NUP107: variants seen among roughly 807,000 people sequenced by gnomAD.
NUP107 encodes the protein nucleoporin 107.
Under a neutral mutation model 141.0 loss-of-function variants are expected in NUP107, and 101 were observed. The ratio of observed to expected loss-of-function variants is 0.72; its 90% confidence interval spans 0.61 to 0.84. NUP107 has a LOEUF of 0.84. Ranked by LOEUF, NUP107 falls within the 40% of genes least tolerant of loss-of-function variation. The pLI is 0.00. For synonymous variants in NUP107, 319 were observed against 363.9 expected (o/e 0.88, Z 1.41); for missense variants, 941 against 1,102.7 (o/e 0.85, Z 2.08).
chr12:68,713,145 G>C (rs1170758365), intron 10 of NUP107, among the ~76,000 whole-genome samples: 1 of 151,936 alleles, frequency 6.6e-6, no homozygotes, highest in African/African-American at 2.4e-5. Flanking sequence ...GGCTGAGGCA[G>C]AAGGATTACT....
intron 1 of NUP107, chr12:68,687,387 T>A: frequency 9.4e-7 from 1 of 1,066,236 alleles, no homozygotes; most frequent in Non-Finnish European, 1.2e-6. Flanking sequence ...AAATGCTAAG[T>A]GACCAGCCTG....
In NUP107 at chr12:68,726,445, T is replaced by G. The variant is rs1877566929; in HGVS notation, c.1577-54T>G. 3 of 1,165,396 alleles carry G rather than the reference T, an allele frequency of 2.6e-6. No homozygotes were observed. In the East Asian group the frequency reaches 7.0e-5, roughly 27 times the overall value. The allele number at this position is 1,165,396 out of a possible 1,614,324, so 72.2% of individuals were successfully genotyped here. ...AATAAATGTTCTTGGTAATGTTTAT[T>G]TTTTTCTTTTGATTTTATTCCTATT... On this transcript the variant is annotated intron_variant, in intron 18 of 27. Transcript: ENST00000229179.
At chr12:68,721,026 C>CTAGAAGA in intron 14 of NUP107, 92 bp from the exon 15 acceptor site, 1 of 789,252 alleles carries the variant, frequency 1.3e-6, no homozygotes. Flanking sequence ...TAGGTTCAGT[C>CTAGAAGA]TAGAAGAGTT....
At chr12:68,692,282 C>CTCTTGTCTCA in intron 5 of NUP107, 170 bp downstream of exon 5, 1 of 662,562 alleles carries the variant, frequency 1.5e-6, no homozygotes, top group South Asian at 2.4e-5. Flanking sequence ...TTTTTTGAGA[C>CTCTTGTCTCA]AAGAGTCTCA....
At chr12:68,741,789 T>C in intron 26 of NUP107, 24 bp from the exon 27 acceptor site, 4 of 1,594,664 alleles carry the variant, frequency 2.5e-6, no homozygotes, top group Non-Finnish European at 3.4e-6. Flanking sequence ...ATTGTTAAAA[T>C]GATTTATTGA....
At position 68,721,127 on chromosome 12, in the gene NUP107, A is replaced by T; in HGVS notation, c.1261A>T (p.Asn421Tyr). 1 of 1,599,182 alleles carries T rather than the reference A, an allele frequency of 6.3e-7. No individual in the cohort carries two copies. The highest frequency in any genetic ancestry group is 8.6e-7 in the Non-Finnish European group (1 of 1,168,500). ...ATTCATTGTGTTTTAGGAGCTTTTT[A>T]ATAGATACGAGAGAGCAATTTATGC... is the stretch of plus-strand genomic sequence containing the variant. ...CWRMAEDELFNRYERAIYAAL... is the reference protein window; with the variant it reads ...CWRMAEDELFYRYERAIYAAL... The change falls in exon 15 of 28, where the codon AAT (asparagine) becomes TAT (tyrosine). Residue 421 changes from asparagine (N) to tyrosine (Y), a missense_variant. Asn to Tyr is a moderately radical substitution (Grantham distance 143). Transcript: ENST00000229179.
chr12:68,713,744 A>T lies in NUP107; in HGVS notation c.905A>T (p.His302Leu). The change falls in exon 11 of 28, where the codon CAT (histidine) becomes CTT (leucine). Residue 302 changes from histidine (H) to leucine (L), a missense_variant. By Grantham distance (99) the His-to-Leu change is moderately conservative. Coordinates refer to ENST00000229179, the MANE Select transcript of NUP107 (RefSeq NM_020401.4). ...AKSVYWENTL[H>L]TLKQRQLTSY... ...ATTTCTTTCAGGGAAAATACTCTGC[A>T]TACCTTAAAACAACGGCAGCTGACT... 6.2e-7 allele frequency: 1 copy of T among 1,606,762 alleles called. No homozygotes were observed. Among genetic ancestry groups the T allele is most frequent in the South Asian group, 1.1e-5 (1 of 89,190 alleles).
intron 5 of NUP107, 98 bp downstream of exon 5, chr12:68,692,210 T>C: frequency 8.1e-7 from 1 of 1,236,790 alleles, no homozygotes; most frequent in Non-Finnish European, 1.1e-6. Context: ...TGTTTTTCTT[T>C]TCTTTCTTTC....
intron 1 of NUP107, chr12:68,687,326 C>T (rs1875547164): frequency 2.8e-6 from 2 of 717,632 alleles, no homozygotes; most frequent in Non-Finnish European, 2.1e-6. Context: ...CGCTTTGGGG[C>T]AGCAACACTG....
In NUP107 at chr12:68,736,412, T is replaced by A. The variant is rs548936445; in HGVS notation, c.2502+1068T>A. ...AGTAATTATCTTAAATGTCTCCACT[T>A]TATTTTTTCTTTTTTTGTTTTAGAG... On this transcript the variant is annotated intron_variant, in intron 26 of 27. Transcript: ENST00000229179. 1.1e-4 allele frequency among the ~76,000 whole-genome samples: 16 copies of A among 152,262 alleles called. No homozygotes were observed. In the South Asian group the frequency reaches 3.3e-3, roughly 32 times the overall value.
At position 68,745,561 on chromosome 12, in the gene NUP107, G is replaced by C. The variant is rs991494377; in HGVS notation, c.*3099G>C. The C allele has an allele frequency of 3.3e-5, 5 of 152,140 alleles. No homozygotes were observed. Among genetic ancestry groups the C allele is most frequent in the Admixed American group, 2.0e-4 (3 of 15,272 alleles). 9.4% of individuals were successfully genotyped at this position (152,140 alleles called of 1,614,324 possible). ...ATATATATATTTGTATGCACCCCTAGAGACAGCTGTATATATATACGGTTT... is the reference window on the plus strand; with the variant it reads ...ATATATATATTTGTATGCACCCCTACAGACAGCTGTATATATATACGGTTT... On this transcript the variant is annotated 3_prime_UTR_variant, in exon 28 of 28. Coordinates refer to ENST00000229179, the MANE Select transcript of NUP107 (RefSeq NM_020401.4).
At chr12:68,713,851 A>ATT in intron 11 of NUP107, 43 bp downstream of exon 11, 14 of 1,406,976 alleles carry the variant, frequency 1.0e-5, no homozygotes, top group South Asian at 2.6e-5. Flanking sequence ...AAGTTAACTG[A>ATT]TTTTTTTTTT....
chr12:68,739,435 T>C (rs929160900), intron 26 of NUP107, among the ~76,000 whole-genome samples: 12 of 152,350 alleles, frequency 7.9e-5, no homozygotes, highest in East Asian at 1.9e-4. Context: ...TGAATGATAC[T>C]GCATTACTGA....
At chr12:68,736,762 GC>G (rs1555179815) in intron 26 of NUP107, among the ~76,000 whole-genome samples, 2 of 119,454 alleles carry the variant, frequency 1.7e-5, no homozygotes, top group Non-Finnish European at 3.3e-5. Flanking sequence ...TGCTCTTGTC[GC>G]CCAGGCTGGA....
chr12:68,714,208 C>T (rs1027515667), intron 11 of NUP107: 1 of 155,128 alleles, frequency 6.4e-6, no homozygotes, highest in African/African-American at 2.4e-5. Context: ...AGAACTGAAG[C>T]TGAATTATTC....
chr12:68,722,803 A>T (rs1297828784), intron 17 of NUP107, among the ~76,000 whole-genome samples: 1 of 152,190 alleles, frequency 6.6e-6, no homozygotes, highest in Non-Finnish European at 1.5e-5. Flanking sequence ...CTTTTTAATA[A>T]ATACATAGTG....
chr12:68,708,642 T>C (rs1457377080), intron 8 of NUP107, among the ~76,000 whole-genome samples: 1 of 151,884 alleles, frequency 6.6e-6, no homozygotes, highest in Non-Finnish European at 1.5e-5. Context: ...TATTTTGGGA[T>C]GGAGTCTCAC....
At chr12:68,715,562 A>T in intron 11 of NUP107, 65 bp from the exon 12 acceptor site, 1 of 815,236 alleles carries the variant, frequency 1.2e-6, no homozygotes, top group Admixed American at 2.0e-5. Context: ...TCTCTTGATG[A>T]TGTGTAAAAT....
chr12:68,689,479 T>A, intron 2 of NUP107, 54 bp from the exon 3 acceptor site: 1 of 1,022,168 alleles, frequency 9.8e-7, no homozygotes. Flanking sequence ...TGGTTAATTC[T>A]CATTTTAGTG....
Sources: gnomAD v4.1 joint callset for allele counts (sites outside exome capture counted in the v4.1 genomes callset) on GRCh38, gnomAD v4.1.1 for gene constraint, MANE v1.5 for transcripts, NCBI Gene and HGNC (gene_info 2026-07-23, HGNC 2026-07-21) for gene names.